KCNQ3: variants seen among roughly 807,000 people sequenced by gnomAD.
KCNQ3 encodes potassium voltage-gated channel subfamily Q member 3, also known as potassium voltage-gated channel subfamily KQT member 3.
Under a neutral mutation model 92.5 loss-of-function variants are expected in KCNQ3, and 30 were observed. The observed-to-expected ratio is 0.32, with a 90% CI of 0.24 to 0.44. KCNQ3 has a LOEUF of 0.44. Ranked by LOEUF, KCNQ3 falls within the 20% of genes least tolerant of loss-of-function variation. The pLI is 1.00. For synonymous variants in KCNQ3, 450 were observed against 468.8 expected, an observed-to-expected ratio of 0.96 and a Z score of 0.52; for missense variants, 913 against 1,140.3, an observed-to-expected ratio of 0.80 and a Z score of 2.87.
chr8:132,428,508 A>G (rs988976851), intron 1 of KCNQ3, among the ~76,000 whole-genome samples: 9 of 152,210 alleles, frequency 5.9e-5, no homozygotes, highest in Non-Finnish European at 4.4e-5. Context: ...CCTTGCCCCC[A>G]GAACCCAGGA....
chr8:132,174,326 A>T lies in KCNQ3; in HGVS notation c.957T>A (p.Tyr319Ter). 1.3e-6 allele frequency: 2 copies of T among 1,552,258 alleles called. No individual in the cohort carries two copies. The highest frequency in any genetic ancestry group is 1.7e-6 in the Non-Finnish European group (2 of 1,147,220). The change falls in exon 6 of 15, where the codon TAT (tyrosine) becomes TAA (stop). Residue 319 changes from tyrosine to a stop codon, truncating the protein, a stop_gained. Transcript: ENST00000388996. LOFTEE classifies it high-confidence loss of function. ...CCCACGTTTTGGGTGTCTTGTCTCC[A>T]TAGCCAATGGTGGCCAGTGTGATCT... ...WGLITLATIG[Y>*]GDKTPKTWEG...
intron 9 of KCNQ3, among the ~76,000 whole-genome samples, chr8:132,151,183 T>G (rs1038794618): frequency 4.6e-5 from 7 of 152,290 alleles, no homozygotes; most frequent in Non-Finnish European, 2.9e-5. Flanking sequence ...CCCTTAGTTA[T>G]GCTGGAAGGA....
intron 1 of KCNQ3, among the ~76,000 whole-genome samples, chr8:132,329,158 C>T (rs1249167282): frequency 3.3e-5 from 5 of 152,120 alleles, no homozygotes; most frequent in Admixed American, 6.5e-5. Context: ...CAGGTAACGC[C>T]GGGAGATCTG....
At chr8:132,291,802 CT>C (rs1317416540) in intron 1 of KCNQ3, among the ~76,000 whole-genome samples, 1 of 152,118 alleles carries the variant, frequency 6.6e-6, no homozygotes, top group African/African-American at 2.4e-5. Flanking sequence ...AGATGAGAAC[CT>C]TATGGGACAA....
chr8:132,378,652 G>A (rs1819671064), intron 1 of KCNQ3, among the ~76,000 whole-genome samples: 1 of 152,126 alleles, frequency 6.6e-6, no homozygotes. Flanking sequence ...CGAATGGAGG[G>A]ACCATGTGCT....
chr8:132,241,178 C>T (rs151220747), intron 1 of KCNQ3, among the ~76,000 whole-genome samples: 48 of 152,126 alleles, frequency 3.2e-4, no homozygotes, highest in African/African-American at 1.1e-3. Flanking sequence ...TGTGAGCCAC[C>T]GTGCCCAGCC....
In KCNQ3 at chr8:132,172,679, G is replaced by A. The variant is rs35413925; in HGVS notation, c.1059C>T (p.Ser353=). 1.7e-3 allele frequency: 2,720 copies of A among 1,613,508 alleles called. 43 individuals carry two copies. The African/African-American group carries it at 0.033, about 20-fold the overall frequency. ...GCTCCTGCACCTTGAGGGCCAGCCC[G>A]GACCCCAGGATGCCCTGGAGGGAGA... ...FFALPAGILG[S]GLALKVQEQH... is the part of the protein sequence containing the mutation. The change falls in exon 7 of 15, where the codon TCC becomes TCT. Residue 353 remains serine, a synonymous_variant. Coordinates refer to ENST00000388996, the MANE Select transcript of KCNQ3 (RefSeq NM_004519.4).
chr8:132,299,857 C>T (rs1204302787), intron 1 of KCNQ3, among the ~76,000 whole-genome samples: 2 of 152,334 alleles, frequency 1.3e-5, no homozygotes, highest in South Asian at 4.1e-4. Flanking sequence ...CACAGACTTG[C>T]GCTCAATGCC....
At chr8:132,266,063 G>T (rs776583619) in intron 1 of KCNQ3, among the ~76,000 whole-genome samples, 1 of 152,290 alleles carries the variant, frequency 6.6e-6, no homozygotes, top group Admixed American at 6.5e-5. Flanking sequence ...TCCTGTAAAA[G>T]GGGAGTTAAA....
chr8:132,390,496 C>T (rs1026956089), intron 1 of KCNQ3, among the ~76,000 whole-genome samples: 78 of 152,272 alleles, frequency 5.1e-4, no homozygotes, highest in African/African-American at 1.8e-3. Flanking sequence ...AACATTAATG[C>T]CTGGGCCCCA....
rs371183148 is a variant in KCNQ3 at position 132,400,669 on chromosome 8, G to A, written c.386+79478C>T. Among the ~76,000 whole-genome samples the A allele has an allele frequency of 1.6e-4, 25 of 152,362 alleles. No individual in the cohort carries two copies. The South Asian group carries it at 5.2e-3, about 32-fold the overall frequency. Reference sequence around the variant, plus strand: ...GGATCTTCTCTCCTGTGTCATTTCTGTAAGGAAAACAATCACAGAGGCTTA... The same window carrying A: ...GGATCTTCTCTCCTGTGTCATTTCTATAAGGAAAACAATCACAGAGGCTTA... On this transcript the variant is annotated intron_variant, in intron 1 of 14. Transcript: ENST00000388996.
intron 9 of KCNQ3, among the ~76,000 whole-genome samples, chr8:132,156,302 C>A (rs1273212574): frequency 6.6e-6 from 1 of 151,850 alleles, no homozygotes; most frequent in East Asian, 2.0e-4. Context: ...TTTCCACAGA[C>A]AAGAACATGG....
intron 1 of KCNQ3, among the ~76,000 whole-genome samples, chr8:132,221,265 G>A (rs550644693): frequency 2.4e-4 from 36 of 152,210 alleles, no homozygotes; most frequent in African/African-American, 6.0e-4. Flanking sequence ...GAATAGTGCC[G>A]CAATAAACAT....
At chr8:132,261,199 G>A (rs531406283) in intron 1 of KCNQ3, among the ~76,000 whole-genome samples, 2 of 152,196 alleles carry the variant, frequency 1.3e-5, no homozygotes, top group African/African-American at 4.8e-5. Context: ...CATTGGGTGG[G>A]ATATCCTGAA....
At chr8:132,217,754 T>C (rs1814089324) in intron 1 of KCNQ3, among the ~76,000 whole-genome samples, 1 of 150,066 alleles carries the variant, frequency 6.7e-6, no homozygotes, top group South Asian at 2.1e-4. Context: ...GTCTGAACTA[T>C]TGAGTATCTT....
At chr8:132,349,519 G>T (rs1586947830) in intron 1 of KCNQ3, among the ~76,000 whole-genome samples, 1 of 152,256 alleles carries the variant, frequency 6.6e-6, no homozygotes, top group African/African-American at 2.4e-5. Context: ...CACGTGACTT[G>T]CTTTTGACTA....
chr8:132,345,630 T>C (rs888486107), intron 1 of KCNQ3, among the ~76,000 whole-genome samples: 1 of 152,248 alleles, frequency 6.6e-6, no homozygotes, highest in Non-Finnish European at 1.5e-5. Context: ...AATTTCCAAC[T>C]GGGGAATGTT....
rs558792132 is a variant in KCNQ3 at position 132,427,315 on chromosome 8, T to C, written c.386+52832A>G. Among the ~76,000 whole-genome samples, 11 of 152,230 alleles carry C rather than the reference T, an allele frequency of 7.2e-5. No individual in the cohort carries two copies. The South Asian group carries it at 2.1e-3, about 29-fold the overall frequency. On this transcript the variant is annotated intron_variant, in intron 1 of 14. Transcript: ENST00000388996. ...CTCCTTCTAGGCACCTCAGTCTCTG[T>C]CTGTAAAATGAGATAAATGAACTGA...
At chr8:132,211,129 C>G (rs1420542915) in intron 1 of KCNQ3, among the ~76,000 whole-genome samples, 1 of 152,170 alleles carries the variant, frequency 6.6e-6, no homozygotes, top group African/African-American at 2.4e-5. Flanking sequence ...ATGTGGCCAG[C>G]TTTGATCAAA....
Sources: allele counts gnomAD v4.1 joint callset (sites outside exome capture counted in the v4.1 genomes callset), GRCh38; gene constraint gnomAD v4.1.1; transcripts MANE v1.5; gene names NCBI Gene and HGNC (gene_info 2026-07-23, HGNC 2026-07-21).